SGCZ: variants seen among roughly 807,000 people sequenced by gnomAD.
SGCZ encodes zeta-sarcoglycan.
Under a neutral mutation model 41.3 loss-of-function variants are expected in SGCZ, and 40 were observed. The ratio of observed to expected loss-of-function variants is 0.97; its 90% CI spans 0.75 to 1.26. SGCZ has a LOEUF of 1.26. Ranked by LOEUF, SGCZ falls within the 50% of genes most tolerant of loss-of-function variation. The pLI is 0.00. For synonymous variants in SGCZ, 206 were observed against 137.5 expected (o/e 1.50, Z -3.49); for missense variants, 552 against 369.8 (o/e 1.49, Z -4.04).
chr8:14,197,305 TTAC>T (rs1311027986), intron 4 of SGCZ, among the ~76,000 whole-genome samples: 1 of 152,118 alleles, frequency 6.6e-6, no homozygotes, highest in Non-Finnish European at 1.5e-5. Flanking sequence ...GACACGAATG[TTAC>T]TCTGATACCA....
intron 3 of SGCZ, among the ~76,000 whole-genome samples, chr8:14,278,096 G>A (rs977424957): frequency 5.3e-5 from 8 of 151,986 alleles, no homozygotes; most frequent in African/African-American, 9.7e-5. Context: ...CACTCCCATC[G>A]AGTTTCCCAA....
intron 1 of SGCZ, among the ~76,000 whole-genome samples, chr8:14,763,172 T>G (rs1799942751): frequency 6.6e-6 from 1 of 152,176 alleles, no homozygotes; most frequent in African/African-American, 2.4e-5. Context: ...GTTAAAATAG[T>G]CTCAGAGACT....
intron 1 of SGCZ, among the ~76,000 whole-genome samples, chr8:15,064,901 G>A (rs1177440081): frequency 2.0e-5 from 3 of 152,212 alleles, no homozygotes; most frequent in African/African-American, 7.2e-5. Flanking sequence ...GCTCTTTGGT[G>A]CCAATTTTCA....
intron 5 of SGCZ, among the ~76,000 whole-genome samples, chr8:14,123,277 C>A (rs1253689235): frequency 1.3e-5 from 2 of 152,118 alleles, no homozygotes; most frequent in Non-Finnish European, 2.9e-5. Context: ...AGCAAACAAT[C>A]AGTAATTGCC....
At chr8:14,600,375 C>A (rs1267236960) in intron 1 of SGCZ, among the ~76,000 whole-genome samples, 1 of 152,152 alleles carries the variant, frequency 6.6e-6, no homozygotes, top group Non-Finnish European at 1.5e-5. Context: ...TGGGATCTAT[C>A]ATCTCTACTT....
intron 2 of SGCZ, among the ~76,000 whole-genome samples, chr8:14,411,526 C>G (rs1439510893): frequency 1.3e-5 from 2 of 151,996 alleles, no homozygotes; most frequent in Non-Finnish European, 2.9e-5. Context: ...TTGCTGCCTA[C>G]AGCATATAAA....
chr8:14,647,369 T>A, intron 1 of SGCZ, among the ~76,000 whole-genome samples: 1 of 152,156 alleles, frequency 6.6e-6, no homozygotes, highest in East Asian at 1.9e-4. Context: ...TAAAAGGACA[T>A]ACATTAGTAA....
intron 2 of SGCZ, among the ~76,000 whole-genome samples, chr8:14,542,959 A>G (rs902896274): frequency 6.6e-6 from 1 of 151,982 alleles, no homozygotes; most frequent in Non-Finnish European, 1.5e-5. Flanking sequence ...AAACTTCTTC[A>G]AATTCATTCA....
intron 3 of SGCZ, among the ~76,000 whole-genome samples, chr8:14,262,471 A>C (rs888920434): frequency 1.1e-4 from 17 of 152,130 alleles, no homozygotes; most frequent in Non-Finnish European, 1.9e-4. Flanking sequence ...AATTAATTTA[A>C]AGTGGAATAC....
At chr8:14,401,905 C>A (rs991445385) in intron 2 of SGCZ, among the ~76,000 whole-genome samples, 11 of 150,632 alleles carry the variant, frequency 7.3e-5, no homozygotes, top group African/African-American at 2.2e-4. Context: ...GTCCCACCAA[C>A]AGTGTAAAAG....
At chr8:14,369,624 C>G (rs1168394087) in intron 2 of SGCZ, among the ~76,000 whole-genome samples, 1 of 151,928 alleles carries the variant, frequency 6.6e-6, no homozygotes, top group Non-Finnish European at 1.5e-5. Flanking sequence ...TACCCTGTTT[C>G]TCAACAAACA....
chr8:14,975,794 T>A (rs1226627412), intron 1 of SGCZ, among the ~76,000 whole-genome samples: 1 of 106,294 alleles, frequency 9.4e-6, no homozygotes, highest in Non-Finnish European at 1.9e-5. Flanking sequence ...CACTTTTATA[T>A]ATATATATAT....
At chr8:14,444,389 A>T (rs1296722294) in intron 2 of SGCZ, among the ~76,000 whole-genome samples, 2 of 152,176 alleles carry the variant, frequency 1.3e-5, no homozygotes, top group Non-Finnish European at 2.9e-5. Context: ...ACTATTCACC[A>T]TAGCAAAGAC....
intron 2 of SGCZ, among the ~76,000 whole-genome samples, chr8:14,440,940 A>G (rs781198239): frequency 2.6e-5 from 4 of 152,076 alleles, no homozygotes; most frequent in Non-Finnish European, 5.9e-5. Flanking sequence ...TAGTAAGTCT[A>G]AGAAAGTCAT....
chr8:14,455,053 C>T (rs983748052), intron 2 of SGCZ, among the ~76,000 whole-genome samples: 1 of 152,016 alleles, frequency 6.6e-6, no homozygotes, highest in Non-Finnish European at 1.5e-5. Context: ...TTTAAAAATG[C>T]ATGCCAAAAA....
At chr8:14,831,223 A>G (rs1563300351) in intron 1 of SGCZ, among the ~76,000 whole-genome samples, 1 of 152,220 alleles carries the variant, frequency 6.6e-6, no homozygotes, top group Non-Finnish European at 1.5e-5. Context: ...TTCAAAGTAC[A>G]TGACGGCAAA....
intron 1 of SGCZ, among the ~76,000 whole-genome samples, chr8:14,623,599 T>A (rs61505671): frequency 0.028 from 4,318 of 152,280 alleles, 201 homozygotes; most frequent in African/African-American, 0.097. Context: ...TTTATTAGGA[T>A]CTTAGCTAGA....
intron 1 of SGCZ, among the ~76,000 whole-genome samples, chr8:15,112,695 G>A (rs552411106): frequency 5.3e-5 from 8 of 152,162 alleles, no homozygotes; most frequent in African/African-American, 1.7e-4. Flanking sequence ...GAAGAAATAA[G>A]GTTCCCAGCC....
At chr8:14,876,886 T>C (rs1004226635) in intron 1 of SGCZ, among the ~76,000 whole-genome samples, 1 of 152,134 alleles carries the variant, frequency 6.6e-6, no homozygotes, top group African/African-American at 2.4e-5. Flanking sequence ...CGCCCTGCAA[T>C]GGAGTGTGGA....
Sources: gnomAD v4.1 joint callset for allele counts (sites outside exome capture counted in the v4.1 genomes callset) on GRCh38, gnomAD v4.1.1 for gene constraint, MANE v1.5 for transcripts, NCBI Gene and HGNC (gene_info 2026-07-23, HGNC 2026-07-21) for gene names.